The following UBTD2 variants were observed in gnomAD, a reference collection of about 807,000 sequenced individuals.
The protein encoded by UBTD2 is ubiquitin domain containing 2, also known as ubiquitin domain-containing protein 2.
UBTD2 carries 9 observed loss-of-function variants against 19.8 expected under a neutral mutation model. That is an observed-to-expected ratio of 0.46 (90% confidence interval 0.27 to 0.79). The LOEUF (loss-of-function observed/expected upper bound fraction) is 0.79, where lower values mean the gene tolerates loss of function less well. Ranked by LOEUF, UBTD2 falls within the 30% of genes least tolerant of loss-of-function variation. The pLI, the probability that UBTD2 is intolerant of heterozygous loss-of-function variation, is 0.14. For synonymous variants in UBTD2, 98 were observed against 103.9 expected (o/e 0.94, Z 0.35); for missense variants, 250 against 300.4 (o/e 0.83, Z 1.24).
chr5:172,242,400 C>T (rs1772150522), intron 1 of UBTD2: 1 of 985,224 alleles, frequency 1.0e-6, no homozygotes, highest in Non-Finnish European at 1.2e-6. Context: ...TACCAAGTTC[C>T]AATCAAGGCT....
In UBTD2 at chr5:172,263,851, C is replaced by CTG. The variant is rs111856574; in HGVS notation, c.70+19743_70+19744dup. ...CCCCCAAGATACAATGCACGTGCCT[C>CTG]TGTGTGTGTGTGTGTGTGTGTGTGT... On this transcript the variant is annotated intron_variant, in intron 1 of 2. Transcript: ENST00000393792. Among the ~76,000 whole-genome samples, 584 of 142,330 alleles carry CTG rather than the reference C, an allele frequency of 4.1e-3. 3 individuals carry two copies. The highest frequency in any genetic ancestry group is 6.1e-3 in the Non-Finnish European group (404 of 66,100). 93.4% of individuals were successfully genotyped at this position (142,330 alleles called of 152,430 possible).
In UBTD2 at chr5:172,258,999, A is replaced by C. The variant is rs1755213645; in HGVS notation, c.70+24597T>G. 2.0e-5 allele frequency among the ~76,000 whole-genome samples: 3 copies of C among 152,162 alleles called. No homozygotes were observed. The South Asian group carries it at 6.2e-4, about 31-fold the overall frequency. On this transcript the variant is annotated intron_variant, in intron 1 of 2. Transcript: ENST00000393792. ...AGAACTATGCTAAATAGGAGTGCTA[A>C]GAGTGGGCATCCTTGTTTTGTTCTG...
At chr5:172,246,337 G>C (rs765032807) in intron 1 of UBTD2, among the ~76,000 whole-genome samples, 8 of 150,506 alleles carry the variant, frequency 5.3e-5, no homozygotes, top group African/African-American at 2.4e-5. Context: ...AAACCGGAGG[G>C]AACAAACAGA....
At chr5:172,255,428 A>G in intron 1 of UBTD2, 1 of 497,766 alleles carries the variant, frequency 2.0e-6, no homozygotes, top group Non-Finnish European at 4.1e-6. Flanking sequence ...TGGGTCAAAC[A>G]TGAGCATTCT....
intron 2 of UBTD2, among the ~76,000 whole-genome samples, chr5:172,233,654 T>C (rs1771949018): frequency 6.6e-6 from 1 of 152,216 alleles, no homozygotes; most frequent in East Asian, 1.9e-4. Context: ...ATGCCAAAAA[T>C]AGGCTTGATG....
At chr5:172,235,402 A>C (rs1310338125) in intron 1 of UBTD2, among the ~76,000 whole-genome samples, 1 of 152,238 alleles carries the variant, frequency 6.6e-6, no homozygotes, top group Non-Finnish European at 1.5e-5. Flanking sequence ...ACTTTAGTCA[A>C]GGAACTGTAA....
At chr5:172,232,954 A>AAC (rs1301926068) in intron 2 of UBTD2, among the ~76,000 whole-genome samples, 1 of 152,042 alleles carries the variant, frequency 6.6e-6, no homozygotes, top group Non-Finnish European at 1.5e-5. Flanking sequence ...CAGCCTAGCC[A>AAC]ACATGGTGAA....
intron 1 of UBTD2, among the ~76,000 whole-genome samples, chr5:172,277,752 G>T (rs961430923): frequency 6.7e-6 from 1 of 149,714 alleles, no homozygotes; most frequent in African/African-American, 2.5e-5. Context: ...GGACACCATC[G>T]AGAGAATGAA....
In UBTD2 at chr5:172,225,209, T is replaced by A. The variant is rs188904240; in HGVS notation, c.307+8913A>T. ...GCCAGGAAGCCCTGAAAGCTCCTCA[T>A]GGTAGGAAGAAAGCTGCCAAGTCTC... On this transcript the variant is annotated intron_variant, in intron 2 of 2. Transcript: ENST00000393792. Among the ~76,000 whole-genome samples, 376 of 152,278 alleles carry A rather than the reference T, an allele frequency of 2.5e-3. 1 individual carries two copies. Among genetic ancestry groups the A allele is most frequent in the Non-Finnish European group, 4.6e-3 (316 of 68,016 alleles).
intron 1 of UBTD2, among the ~76,000 whole-genome samples, chr5:172,277,197 A>T (rs940560142): frequency 1.3e-5 from 2 of 152,192 alleles, no homozygotes; most frequent in Middle Eastern, 6.8e-3. Context: ...ACTTCTATAA[A>T]CCATTTCACT....
At chr5:172,272,937 G>C (rs1456952897) in intron 1 of UBTD2, among the ~76,000 whole-genome samples, 3 of 151,896 alleles carry the variant, frequency 2.0e-5, no homozygotes, top group Admixed American at 2.0e-4. Context: ...AAATTAGCTG[G>C]GCGTAGTCGC....
At chr5:172,261,351 A>G (rs1242327201) in intron 1 of UBTD2, among the ~76,000 whole-genome samples, 1 of 152,196 alleles carries the variant, frequency 6.6e-6, no homozygotes, top group East Asian at 1.9e-4. Context: ...AGGCCTAGAA[A>G]AGCTTTATTA....
At chr5:172,271,469 TGTTTCA>T (rs1018630609) in intron 1 of UBTD2, among the ~76,000 whole-genome samples, 1 of 151,256 alleles carries the variant, frequency 6.6e-6, no homozygotes, top group African/African-American at 2.4e-5. Context: ...CTTGTATCAC[TGTTTCA>T]GTGATGCTTT....
At chr5:172,257,352 T>C (rs955998569) in intron 1 of UBTD2, among the ~76,000 whole-genome samples, 8 of 152,258 alleles carry the variant, frequency 5.3e-5, no homozygotes, top group African/African-American at 1.9e-4. Flanking sequence ...TTCCATGGTG[T>C]ATACATACCA....
At chr5:172,212,304 A>AG in intron 2 of UBTD2, 77 bp from the exon 3 acceptor site, 2 of 1,474,018 alleles carry the variant, frequency 1.4e-6, no homozygotes, top group African/African-American at 2.8e-5. Context: ...AAAATGCTTA[A>AG]GCTTCTCTTG....
intron 1 of UBTD2, among the ~76,000 whole-genome samples, chr5:172,259,130 C>T (rs1478903791): frequency 1.3e-5 from 2 of 151,870 alleles, no homozygotes; most frequent in African/African-American, 4.8e-5. Flanking sequence ...TTAATGGCTA[C>T]TTTGTTGAGG....
intron 2 of UBTD2, among the ~76,000 whole-genome samples, chr5:172,223,543 G>A (rs1451729813): frequency 1.5e-5 from 2 of 129,550 alleles, no homozygotes; most frequent in East Asian, 4.8e-4. Context: ...AGGTTGCAGT[G>A]AGCCAAGATC....
At chr5:172,217,420 A>C (rs1473604851) in intron 2 of UBTD2, among the ~76,000 whole-genome samples, 2 of 25,876 alleles carry the variant, frequency 7.7e-5, no homozygotes, top group African/African-American at 9.8e-4. Context: ...CTCTGTCTCA[A>C]AAAAAAAAAA....
At chr5:172,242,992 C>G (rs894854530) in intron 1 of UBTD2, among the ~76,000 whole-genome samples, 1 of 152,032 alleles carries the variant, frequency 6.6e-6, no homozygotes, top group African/African-American at 2.4e-5. Context: ...ACATTGTCTC[C>G]TTCAAATTGC....
Sources: allele counts gnomAD v4.1 joint callset (sites outside exome capture counted in the v4.1 genomes callset), GRCh38; gene constraint gnomAD v4.1.1; transcripts MANE v1.5; gene names NCBI Gene and HGNC (gene_info 2026-07-23, HGNC 2026-07-21).